MORN1: variants seen among roughly 807,000 people sequenced by gnomAD.
MORN1 encodes the protein MORN repeat containing 1, also known as MORN repeat-containing protein 1.
Under a neutral mutation model 61.9 loss-of-function variants are expected in MORN1, and 67 were observed. The observed-to-expected ratio is 1.08, with a 90% CI of 0.89 to 1.33. The LOEUF (loss-of-function observed/expected upper bound fraction) is 1.33. MORN1 is among the 40% of genes most tolerant of loss of function. MORN1 has a pLI of 0.00. For synonymous variants in MORN1, 301 were observed against 292.0 expected (o/e 1.03, Z -0.31); for missense variants, 752 against 691.2 (o/e 1.09, Z -0.99).
At chr1:2,353,981 A>G (rs1264415747) in intron 10 of MORN1, among the ~76,000 whole-genome samples, 3 of 152,234 alleles carry the variant, frequency 2.0e-5, no homozygotes, top group African/African-American at 7.2e-5. Flanking sequence ...TTACGTAAAG[A>G]AGGGAAGATA....
chr1:2,322,227 G>T (rs1172079670), intron 13 of MORN1: 2 of 985,278 alleles, frequency 2.0e-6, no homozygotes, highest in East Asian at 1.1e-4. Context: ...AAGAAAATAA[G>T]AAATAACAAA....
intron 10 of MORN1, among the ~76,000 whole-genome samples, chr1:2,341,120 C>T (rs910553398): frequency 5.9e-5 from 9 of 152,228 alleles, no homozygotes; most frequent in East Asian, 1.9e-4. Flanking sequence ...TGGCTCCTCC[C>T]GACGGAGCCT....
chr1:2,344,609 C>A (rs1641469664), intron 10 of MORN1, among the ~76,000 whole-genome samples: 2 of 152,328 alleles, frequency 1.3e-5, no homozygotes, highest in South Asian at 2.1e-4. Flanking sequence ...TCCCTGCTGG[C>A]CTCTCAGGGC....
intron 10 of MORN1, among the ~76,000 whole-genome samples, chr1:2,339,111 G>A (rs1307359359): frequency 1.3e-5 from 2 of 152,152 alleles, no homozygotes; most frequent in East Asian, 1.9e-4. Context: ...GAGGCCCTCC[G>A]GGTTGGCCAA....
rs1429553870 is a variant in MORN1 at position 2,391,452 on chromosome 1, C to T, written c.76+6G>A. On this transcript the variant is annotated splice_donor_region_variant and intron_variant, in intron 1 of 13. Transcript: ENST00000378531. ...AGCGACCTGTCCCGTGGCCCGCAGT[C>T]GTTACCGTTCCGGGGCGGCCGCCTA... is the stretch of plus-strand genomic sequence containing the variant. 1 of 1,256,526 alleles carries T rather than the reference C, an allele frequency of 8.0e-7. No homozygotes were observed. Among genetic ancestry groups the T allele is most frequent in the East Asian group, 3.1e-5 (1 of 31,774 alleles). The allele number at this position is 1,256,526 out of a possible 1,614,324, so 77.8% of individuals were successfully genotyped here.
At chr1:2,362,101 G>A (rs1032898422) in intron 8 of MORN1, among the ~76,000 whole-genome samples, 8 of 151,858 alleles carry the variant, frequency 5.3e-5, no homozygotes, top group Non-Finnish European at 7.4e-5. Flanking sequence ...GCGTGGTGGC[G>A]GGTGCCTGTA....
rs1331543039 is a variant in MORN1 at position 2,334,961 on chromosome 1, G to A, written c.1250+1508C>T. ...GTCTGTGGGAGTGACAGAATGTCTC[G>A]GCTTTTGGCTCTCGCAGACGCTCCT... is the stretch of plus-strand genomic sequence containing the variant. On this transcript the variant is annotated intron_variant, in intron 12 of 13. Transcript: ENST00000378531. The surrounding 1 kb of genome is among the most constrained non-coding windows in gnomAD (Gnocchi z 5.4). Among the ~76,000 whole-genome samples the A allele has an allele frequency of 1.3e-5, 2 of 152,218 alleles. No homozygotes were observed. Among genetic ancestry groups the A allele is most frequent in the Non-Finnish European group, 2.9e-5 (2 of 68,042 alleles).
chr1:2,369,930 G>A (rs1264951602), intron 8 of MORN1, among the ~76,000 whole-genome samples: 1 of 152,166 alleles, frequency 6.6e-6, no homozygotes, highest in African/African-American at 2.4e-5. Flanking sequence ...GGGGTTCAAC[G>A]CACCTCCATC....
intron 10 of MORN1, among the ~76,000 whole-genome samples, chr1:2,343,891 C>G (rs556291042): frequency 1.3e-5 from 2 of 151,424 alleles, no homozygotes; most frequent in Non-Finnish European, 3.0e-5. Flanking sequence ...TGGAGGAAAC[C>G]GTGGTCCCAT....
chr1:2,370,962 T>C (rs1397825084), intron 8 of MORN1, among the ~76,000 whole-genome samples: 1 of 151,962 alleles, frequency 6.6e-6, no homozygotes, highest in East Asian at 1.9e-4. Context: ...TCCCAGCACT[T>C]TGGGAGGCCA....
In MORN1 at chr1:2,322,516, G is replaced by T. The variant is rs369298812; in HGVS notation, c.1298-937C>A. ...GGGCTGGACAAGAGCAAGCCTCGGGGGCCGGGAGGAATGTGCTTGGCCCCG... is the reference window on the plus strand; with the variant it reads ...GGGCTGGACAAGAGCAAGCCTCGGGTGCCGGGAGGAATGTGCTTGGCCCCG... On this transcript the variant is annotated intron_variant, in intron 13 of 13. Transcript: ENST00000378531. The T allele has an allele frequency of 4.1e-5, 40 of 985,358 alleles. 1 individual carries two copies. In the East Asian group the frequency reaches 2.5e-3, roughly 62 times the overall value. 61.0% of individuals were successfully genotyped at this position (985,358 alleles called of 1,614,324 possible).
intron 8 of MORN1, among the ~76,000 whole-genome samples, chr1:2,369,072 CG>C: frequency 7.0e-6 from 1 of 143,050 alleles, no homozygotes; most frequent in East Asian, 2.1e-4. Flanking sequence ...AAAAAAAAGG[CG>C]GGGGGCAGTG....
chr1:2,346,257 C>T lies in MORN1; in HGVS notation c.1037-9407G>A, dbSNP rs115304753. ...AAAGCTTCACAGACGCCAGGGTGCC[C>T]GCAGTCAGGGAAAGGCCCCGGAAGG... On this transcript the variant is annotated intron_variant, in intron 10 of 13. Coordinates refer to ENST00000378531, the MANE Select transcript of MORN1 (RefSeq NM_024848.3). 4.6e-4 allele frequency among the ~76,000 whole-genome samples: 70 copies of T among 152,262 alleles called. 1 individual carries two copies. The highest frequency in any genetic ancestry group is 3.9e-3 in the East Asian group (20 of 5,190).
chr1:2,348,466 G>A (rs1408156495), intron 10 of MORN1, among the ~76,000 whole-genome samples: 3 of 152,170 alleles, frequency 2.0e-5, no homozygotes, highest in Non-Finnish European at 4.4e-5. Flanking sequence ...GCCCCAGCCT[G>A]GATCCGCCGC....
At chr1:2,358,319 G>A (rs1438703998) in intron 9 of MORN1, among the ~76,000 whole-genome samples, 1 of 152,146 alleles carries the variant, frequency 6.6e-6, no homozygotes, top group Non-Finnish European at 1.5e-5. Flanking sequence ...CTCCAGACAC[G>A]GACCCAGGCC....
At chr1:2,335,244 C>G (rs1557870107) in intron 12 of MORN1, among the ~76,000 whole-genome samples, 1 of 152,246 alleles carries the variant, frequency 6.6e-6, no homozygotes, top group Non-Finnish European at 1.5e-5. Context: ...CTCCTCCCAC[C>G]TTGCCGGACC....
At chr1:2,355,089 G>A (rs143752320) in intron 10 of MORN1, 16 of 945,180 alleles carry the variant, frequency 1.7e-5, no homozygotes, top group African/African-American at 1.2e-4. Context: ...CGGGGGGCCC[G>A]CGCGGGGTAG....
At chr1:2,326,467 G>A (rs887922701) in intron 12 of MORN1, 2 of 152,264 alleles carry the variant, frequency 1.3e-5, no homozygotes, top group African/African-American at 4.8e-5. Flanking sequence ...GCCTAGGGAG[G>A]AGGTGGTGCA....
chr1:2,381,239 A>C (rs1180930980), intron 6 of MORN1, among the ~76,000 whole-genome samples: 1 of 152,194 alleles, frequency 6.6e-6, no homozygotes, highest in Non-Finnish European at 1.5e-5. Context: ...CCCAGTCCTG[A>C]CCTGAGGGGA....
Sources: gnomAD v4.1 joint callset for allele counts (sites outside exome capture counted in the v4.1 genomes callset) on GRCh38, gnomAD v4.1.1 for gene constraint, Gnocchi (gnomAD v3.1) non-coding constraint, MANE v1.5 for transcripts, NCBI Gene and HGNC (gene_info 2026-07-23, HGNC 2026-07-21) for gene names.